Variants in CRB1 observed in about 807,000 individuals in gnomAD.
CRB1 encodes protein crumbs homolog 1.
Under a neutral mutation model 120.0 loss-of-function variants are expected in CRB1, and 83 were observed. The observed-to-expected ratio is 0.69, with a 90% CI of 0.58 to 0.83. The LOEUF is 0.83. Ranked by LOEUF, CRB1 falls within the 40% of genes least tolerant of loss-of-function variation. The pLI, the probability that CRB1 is intolerant of heterozygous loss-of-function variation, is 0.00. For missense variants in CRB1, 1,699 were observed against 1,687.6 expected (o/e 1.01, Z -0.12); for synonymous variants, 625 against 612.5 (o/e 1.02, Z -0.30).
intron 1 of CRB1, among the ~76,000 whole-genome samples, chr1:197,325,615 A>G (rs140860605): frequency 6.6e-6 from 1 of 152,262 alleles, no homozygotes; most frequent in Non-Finnish European, 1.5e-5. Flanking sequence ...CCAACCATAT[A>G]TATTGAAAAT....
chr1:197,355,026 T>C lies in CRB1; in HGVS notation c.989-1805T>C, dbSNP rs371384065. On this transcript the variant is annotated intron_variant, in intron 4 of 11. Coordinates refer to ENST00000367400, the MANE Select transcript of CRB1 (RefSeq NM_201253.3). ...ATTTACAATCCCTTAGCCATAAAGA[T>C]TCTCCAAGTCCCACTAGATTAGCTA... is the stretch of plus-strand genomic sequence containing the variant. 9.3e-5 allele frequency among the ~76,000 whole-genome samples: 14 copies of C among 151,034 alleles called. No homozygotes were observed. In the East Asian group the frequency reaches 2.4e-3, roughly 25 times the overall value.
At chr1:197,416,898 C>G (rs1223889753) in intron 5 of CRB1, among the ~76,000 whole-genome samples, 1 of 152,040 alleles carries the variant, frequency 6.6e-6, no homozygotes, top group Non-Finnish European at 1.5e-5. Context: ...TTAGTAGAGA[C>G]AGGGTTTCAC....
At chr1:197,368,337 A>G (rs1661190211) in intron 5 of CRB1, among the ~76,000 whole-genome samples, 1 of 152,202 alleles carries the variant, frequency 6.6e-6, no homozygotes, top group South Asian at 2.1e-4. Flanking sequence ...TTTACTTCAT[A>G]AAACATCTTT....
chr1:197,387,930 C>T (rs1201562922), intron 5 of CRB1, among the ~76,000 whole-genome samples: 1 of 151,854 alleles, frequency 6.6e-6, no homozygotes, highest in African/African-American at 2.4e-5. Flanking sequence ...CCAACCTCCC[C>T]TCACCAAACT....
intron 5 of CRB1, among the ~76,000 whole-genome samples, chr1:197,366,413 C>T (rs924102398): frequency 9.9e-5 from 15 of 152,070 alleles, no homozygotes; most frequent in Non-Finnish European, 1.9e-4. Context: ...AGAACCTTTC[C>T]AAGTGTTAAA....
chr1:197,260,371 G>T, the CRB1 span, among the ~76,000 whole-genome samples: 1 of 152,040 alleles, frequency 6.6e-6, no homozygotes, highest in Non-Finnish European at 1.5e-5. Context: ...AATTAAAACT[G>T]TAAGTTAGAT....
At chr1:197,291,370 T>C (rs1656170975) in intron 1 of CRB1, among the ~76,000 whole-genome samples, 1 of 151,860 alleles carries the variant, frequency 6.6e-6, no homozygotes, top group African/African-American at 2.4e-5. Flanking sequence ...AGCTTTTAAT[T>C]ACATTGGGAA....
chr1:197,255,220 C>T, the CRB1 span, among the ~76,000 whole-genome samples: 1 of 152,020 alleles, frequency 6.6e-6, no homozygotes, highest in Admixed American at 6.6e-5. Context: ...AGTTAGGCTA[C>T]TCTGACTCTC....
intron 11 of CRB1, among the ~76,000 whole-genome samples, chr1:197,475,650 G>A (rs999846006): frequency 6.6e-6 from 1 of 152,156 alleles, no homozygotes; most frequent in South Asian, 2.1e-4. Context: ...CTGACTACAG[G>A]ACAAAGTCTG....
intron 7 of CRB1, chr1:197,429,047 G>A (rs1338805581): frequency 1.5e-5 from 22 of 1,494,708 alleles, no homozygotes; most frequent in Middle Eastern, 1.7e-4. Flanking sequence ...TCACTGTTTC[G>A]CTTCTGTGTA....
the CRB1 span, among the ~76,000 whole-genome samples, chr1:197,262,311 A>C: frequency 3.3e-5 from 5 of 152,080 alleles, no homozygotes; most frequent in African/African-American, 1.2e-4. Context: ...AGACAGCTCA[A>C]ATTGAATATA....
chr1:197,472,286 T>C (rs1381407119), intron 11 of CRB1, among the ~76,000 whole-genome samples: 1 of 152,220 alleles, frequency 6.6e-6, no homozygotes, highest in Non-Finnish European at 1.5e-5. Flanking sequence ...CTTGAAGTAA[T>C]TCATTCCAGT....
At chr1:197,256,802 A>G in the CRB1 span, among the ~76,000 whole-genome samples, 1 of 151,632 alleles carries the variant, frequency 6.6e-6, no homozygotes, top group Non-Finnish European at 1.5e-5. Context: ...CTTAAAGTAT[A>G]ATAAAAAAAA....
rs1660916780 is a variant in CRB1, at chr1:197,363,874, G to GTGCAT, written c.1171+6861_1171+6862insTGCAT. The GTGCAT allele has an allele frequency of 4.1e-6, 4 of 977,132 alleles. No homozygotes were observed. The African/African-American group carries it at 6.4e-5, about 16-fold the overall frequency. The allele number at this position is 977,132 out of a possible 1,614,324, so 60.5% of individuals were successfully genotyped here. ...TGTGATGGTATAGGAAGGGAACGTG[G>GTGCAT]AAGGTGCATAGAGGACCCTAAACAG... is the stretch of plus-strand genomic sequence containing the variant. On this transcript the variant is annotated intron_variant, in intron 5 of 11. Transcript: ENST00000367400.
At chr1:197,389,772 A>T (rs1662401567) in intron 5 of CRB1, among the ~76,000 whole-genome samples, 1 of 152,094 alleles carries the variant, frequency 6.6e-6, no homozygotes, top group South Asian at 2.1e-4. Context: ...GTGGTCTCTC[A>T]GAGGTCTAGG....
the CRB1 span, among the ~76,000 whole-genome samples, chr1:197,240,235 A>G: frequency 6.6e-6 from 1 of 151,988 alleles, no homozygotes; most frequent in Non-Finnish European, 1.5e-5. Context: ...TTTTTTAATT[A>G]TACTTTAAGT....
chr1:197,406,537 A>C (rs1663417396), intron 5 of CRB1, among the ~76,000 whole-genome samples: 1 of 152,156 alleles, frequency 6.6e-6, no homozygotes, highest in East Asian at 1.9e-4. Context: ...ACCCTGCCAA[A>C]TCCCCCTCTG....
At chr1:197,395,412 T>C (rs765374334) in intron 5 of CRB1, among the ~76,000 whole-genome samples, 4 of 152,124 alleles carry the variant, frequency 2.6e-5, no homozygotes, top group Non-Finnish European at 5.9e-5. Context: ...CTTAGGTGCA[T>C]GCTTTTGGCA....
At chr1:197,252,576 A>G in the CRB1 span, among the ~76,000 whole-genome samples, 1,390 of 34,876 alleles carry the variant, frequency 0.04, 22 homozygotes, top group South Asian at 0.077. Context: ...ATATATATAT[A>G]TATATATGTG....
Sources: gnomAD v4.1 joint callset for allele counts (sites outside exome capture counted in the v4.1 genomes callset) on GRCh38, gnomAD v4.1.1 for gene constraint, MANE v1.5 for transcripts, NCBI Gene and HGNC (gene_info 2026-07-23, HGNC 2026-07-21) for gene names.